Variants in LRRTM4 observed in about 807,000 individuals in gnomAD.
LRRTM4 encodes leucine rich repeat transmembrane neuronal 4.
A neutral mutation model predicts 47.6 loss-of-function variants in LRRTM4; 25 were observed. The ratio of observed to expected loss-of-function variants is 0.53; its 90% CI spans 0.38 to 0.73. LRRTM4 has a LOEUF of 0.73. LRRTM4 is among the 30% of genes least tolerant of loss of function. The pLI is 0.00. For missense variants in LRRTM4, 638 were observed against 713.4 expected (o/e 0.89, Z 1.20); for synonymous variants, 311 against 269.5 (o/e 1.15, Z -1.51).
chr2:77,419,536 A>G (rs1674786544), intron 3 of LRRTM4, among the ~76,000 whole-genome samples: 1 of 152,166 alleles, frequency 6.6e-6, no homozygotes, highest in South Asian at 2.1e-4. Context: ...GTTATACTGT[A>G]TTGCTTAGGA....
At position 76,807,430 on chromosome 2, in the gene LRRTM4, ATATATACG is replaced by A. The variant is rs1363199935; in HGVS notation, c.1552-58522_1552-58515del. Among the ~76,000 whole-genome samples, 26 of 98,126 alleles carry A rather than the reference ATATATACG, an allele frequency of 2.6e-4. 1 individual carries two copies. Among genetic ancestry groups the A allele is most frequent in the African/African-American group, 1.1e-3 (20 of 17,512 alleles). The allele number at this position is 98,126 out of a possible 152,430, so 64.4% of individuals were successfully genotyped here. A position where few individuals can be genotyped will look rare whatever the true frequency, so the allele number is the denominator to read the frequency against. On this transcript the variant is annotated intron_variant, in intron 3 of 3. Transcript: ENST00000409884. Reference sequence around the variant, plus strand: ...TACGTATATATATATATATACATATATATATACGTATATACATATATATATATACATAT... The same window carrying A: ...TACGTATATATATATATATACATATATATATACATATATATATATACATAT...
rs1485111349 is a variant in LRRTM4, at chr2:76,796,608, T to A, written c.1552-47692A>T. ...ACCTGCAGCTGAGGGTCCTCTCTGT[T>A]AGAAGGAAAACTAACAAACAGAAAG... On this transcript the variant is annotated intron_variant, in intron 3 of 3. Coordinates refer to ENST00000409884, the MANE Select transcript of LRRTM4 (RefSeq NM_001134745.3). Among the ~76,000 whole-genome samples the A allele has an allele frequency of 8.2e-5, 9 of 109,644 alleles. 2 individuals carry two copies. The highest frequency in any genetic ancestry group is 1.4e-4 in the Non-Finnish European group (8 of 57,548). The allele number at this position is 109,644 out of a possible 152,430, so 71.9% of individuals were successfully genotyped here. A position where few individuals can be genotyped will look rare whatever the true frequency, so the allele number is the denominator to read the frequency against.
chr2:77,013,687 G>A (rs2141782), intron 3 of LRRTM4, among the ~76,000 whole-genome samples: 4,993 of 152,178 alleles, frequency 0.033, 269 homozygotes, highest in African/African-American at 0.11. Flanking sequence ...AGAAAACAGC[G>A]ATAACAATCT....
At chr2:76,847,810 T>C (rs1300976534) in intron 3 of LRRTM4, among the ~76,000 whole-genome samples, 1 of 152,146 alleles carries the variant, frequency 6.6e-6, no homozygotes, top group African/African-American at 2.4e-5. Flanking sequence ...CATTTGAATG[T>C]TTAATAAAAT....
intron 3 of LRRTM4, among the ~76,000 whole-genome samples, chr2:77,007,484 G>C (rs1677699949): frequency 6.6e-6 from 1 of 152,124 alleles, no homozygotes; most frequent in Non-Finnish European, 1.5e-5. Context: ...AGCAATGAAA[G>C]TCTATACACA....
At chr2:77,189,602 C>A (rs963197134) in intron 3 of LRRTM4, among the ~76,000 whole-genome samples, 19 of 152,072 alleles carry the variant, frequency 1.2e-4, no homozygotes, top group African/African-American at 4.6e-4. Context: ...ACCCAAAAGA[C>A]AGTCATCATC....
intron 3 of LRRTM4, among the ~76,000 whole-genome samples, chr2:76,898,979 C>T (rs1673522095): frequency 6.6e-6 from 1 of 151,912 alleles, no homozygotes; most frequent in African/African-American, 2.4e-5. Context: ...CAAGGATGTT[C>T]TCTTTGATTA....
intron 3 of LRRTM4, among the ~76,000 whole-genome samples, chr2:77,046,574 G>T (rs1021810225): frequency 4.0e-5 from 6 of 151,892 alleles, no homozygotes; most frequent in African/African-American, 1.5e-4. Flanking sequence ...CATTCAGCAG[G>T]GAAACATCTA....
intron 3 of LRRTM4, among the ~76,000 whole-genome samples, chr2:77,448,247 C>T (rs747713994): frequency 1.5e-5 from 2 of 135,172 alleles, no homozygotes; most frequent in East Asian, 3.9e-4. Flanking sequence ...TAGGTTCTGA[C>T]CTCCTGTTCA....
chr2:76,813,007 T>C (rs1202579274), intron 3 of LRRTM4, among the ~76,000 whole-genome samples: 2 of 151,736 alleles, frequency 1.3e-5, no homozygotes, highest in African/African-American at 2.4e-5. Context: ...CTACTAAAAA[T>C]ACAAAAAATT....
At chr2:77,153,452 CA>C (rs983517890) in intron 3 of LRRTM4, among the ~76,000 whole-genome samples, 3 of 151,850 alleles carry the variant, frequency 2.0e-5, no homozygotes, top group Non-Finnish European at 4.4e-5. Context: ...AAATTTAATG[CA>C]AAAAATAAAG....
intron 3 of LRRTM4, among the ~76,000 whole-genome samples, chr2:77,389,557 G>A (rs1459130232): frequency 1.3e-5 from 2 of 152,052 alleles, no homozygotes; most frequent in Non-Finnish European, 2.9e-5. Context: ...TGTTATTTGT[G>A]AATTGTTAAA....
chr2:77,318,895 A>G (rs1250445847), intron 3 of LRRTM4, among the ~76,000 whole-genome samples: 1 of 148,944 alleles, frequency 6.7e-6, no homozygotes, highest in Non-Finnish European at 1.5e-5. Context: ...TTTTTTTTTT[A>G]TCTTGAAACA....
intron 3 of LRRTM4, among the ~76,000 whole-genome samples, chr2:76,823,104 T>A (rs895051978): frequency 2.0e-5 from 3 of 151,432 alleles, no homozygotes; most frequent in Non-Finnish European, 4.4e-5. Flanking sequence ...AGGGTTAATT[T>A]CATCATTTTA....
intron 3 of LRRTM4, among the ~76,000 whole-genome samples, chr2:76,941,561 G>A (rs1287344874): frequency 6.6e-5 from 10 of 151,728 alleles, no homozygotes; most frequent in African/African-American, 1.7e-4. Flanking sequence ...GAGAACATGC[G>A]ATTTTTGGTT....
At chr2:77,442,168 G>T (rs968528917) in intron 3 of LRRTM4, among the ~76,000 whole-genome samples, 1 of 151,956 alleles carries the variant, frequency 6.6e-6, no homozygotes, top group Non-Finnish European at 1.5e-5. Flanking sequence ...AGTGCAAAGG[G>T]GTTTTAAAAA....
At chr2:77,148,782 T>A (rs939452779) in intron 3 of LRRTM4, among the ~76,000 whole-genome samples, 4 of 152,186 alleles carry the variant, frequency 2.6e-5, no homozygotes, top group African/African-American at 9.7e-5. Context: ...TATCAAGGAT[T>A]GTGTGTATTT....
chr2:77,483,118 C>CAAAAAAAAAAAAAAAAAAAAAAAAAAA (rs776265725), intron 3 of LRRTM4, among the ~76,000 whole-genome samples: 1 of 60,580 alleles, frequency 1.7e-5, no homozygotes, highest in Non-Finnish European at 2.8e-5. Context: ...AAGACTGTCT[C>CAAAAAAAAAAAAAAAAAAAAAAAAAAA]AAAAAAAAAA....
chr2:77,392,380 A>T (rs1673539048), intron 3 of LRRTM4, among the ~76,000 whole-genome samples: 1 of 152,050 alleles, frequency 6.6e-6, no homozygotes, highest in African/African-American at 2.4e-5. Flanking sequence ...GATCTCCTAA[A>T]GCCTTGTCAT....
Sources: allele counts gnomAD v4.1 joint callset (sites outside exome capture counted in the v4.1 genomes callset), GRCh38; gene constraint gnomAD v4.1.1; transcripts MANE v1.5; gene names NCBI Gene and HGNC (gene_info 2026-07-23, HGNC 2026-07-21).